PHACTR1: variants seen among roughly 807,000 people sequenced by gnomAD.
PHACTR1 encodes phosphatase and actin regulator 1.
Under a neutral mutation model 69.2 loss-of-function variants are expected in PHACTR1, and 16 were observed. That is an observed-to-expected ratio of 0.23 (90% CI 0.16 to 0.35). PHACTR1 has a LOEUF of 0.35. Among genes scored for constraint, PHACTR1 ranks in the 10% least tolerant of loss-of-function variants. PHACTR1 has a pLI of 1.00. For synonymous variants in PHACTR1, 312 were observed against 284.5 expected, an observed-to-expected ratio of 1.10 and a Z score of -0.97; for missense variants, 510 against 734.7, an observed-to-expected ratio of 0.69 and a Z score of 3.54.
At chr6:12,759,609 G>A (rs531145124) in intron 4 of PHACTR1, among the ~76,000 whole-genome samples, 2 of 152,092 alleles carry the variant, frequency 1.3e-5, no homozygotes, top group Non-Finnish European at 2.9e-5. Flanking sequence ...AAGTTTAGGG[G>A]CCAAGAAAAA....
chr6:13,168,943 G>A (rs1320912852), intron 6 of PHACTR1, among the ~76,000 whole-genome samples: 1 of 152,150 alleles, frequency 6.6e-6, no homozygotes, highest in Non-Finnish European at 1.5e-5. Context: ...CACGTAATCA[G>A]ATTTGCAGCC....
intron 5 of PHACTR1, among the ~76,000 whole-genome samples, chr6:13,153,768 T>C (rs1371929833): frequency 6.6e-6 from 1 of 152,222 alleles, no homozygotes; most frequent in Non-Finnish European, 1.5e-5. Flanking sequence ...ATTTTTCTGT[T>C]TTGGTTCTAC....
intron 4 of PHACTR1, chr6:12,933,692 G>A (rs1417207964): frequency 4.3e-6 from 7 of 1,612,810 alleles, no homozygotes; most frequent in Non-Finnish European, 5.9e-6. Flanking sequence ...GCCAACTCTT[G>A]GGCGTCCTCT....
chr6:13,009,304 T>C (rs1343905492), intron 4 of PHACTR1, among the ~76,000 whole-genome samples: 3 of 151,992 alleles, frequency 2.0e-5, no homozygotes, highest in African/African-American at 7.3e-5. Flanking sequence ...GCAGGGTGGA[T>C]AGGAACAGGA....
At chr6:13,243,116 A>G (rs979245490) in intron 10 of PHACTR1, among the ~76,000 whole-genome samples, 1 of 152,194 alleles carries the variant, frequency 6.6e-6, no homozygotes, top group African/African-American at 2.4e-5. Context: ...ATATCCCCCA[A>G]AAGAATGGGA....
At chr6:13,054,376 A>C (rs9473318) in intron 5 of PHACTR1, among the ~76,000 whole-genome samples, 14,850 of 152,242 alleles carry the variant, frequency 0.098, 2,012 homozygotes, top group African/African-American at 0.3. Flanking sequence ...CAGACAGTGG[A>C]AGAGCTATAC....
chr6:13,197,346 A>C (rs191679747), intron 7 of PHACTR1, among the ~76,000 whole-genome samples: 1 of 152,136 alleles, frequency 6.6e-6, no homozygotes, highest in African/African-American at 2.4e-5. Context: ...TTTCAACCCT[A>C]AGGTCCCCTC....
At chr6:12,741,578 A>G (rs1423294827) in intron 3 of PHACTR1, among the ~76,000 whole-genome samples, 2 of 152,058 alleles carry the variant, frequency 1.3e-5, no homozygotes, top group Admixed American at 1.3e-4. Flanking sequence ...GACTGTTCAT[A>G]TCTGTTTGTA....
chr6:12,725,670 T>C (rs1234889491), intron 3 of PHACTR1, among the ~76,000 whole-genome samples: 1 of 152,186 alleles, frequency 6.6e-6, no homozygotes, highest in African/African-American at 2.4e-5. Context: ...TAGTACCTTG[T>C]CTATTGTTAT....
intron 4 of PHACTR1, among the ~76,000 whole-genome samples, chr6:13,050,782 T>C (rs1805821401): frequency 6.6e-6 from 1 of 152,208 alleles, no homozygotes; most frequent in Non-Finnish European, 1.5e-5. Context: ...TCCTTTATCA[T>C]CAAATTCTTT....
In PHACTR1 at chr6:13,230,997, C is replaced by CAGAGAGAG. The variant is rs36074569; in HGVS notation, c.1391+816_1391+823dup. On this transcript the variant is annotated intron_variant, in intron 10 of 14. Transcript: ENST00000332995. ...TGCCACTGCACTCCAGCCCAGGTGA[C>CAGAGAGAG]AGAGAGAGAGAGAGAGAGAAGGAAA... Among the ~76,000 whole-genome samples the CAGAGAGAG allele has an allele frequency of 3.1e-4, 35 of 113,416 alleles. 1 individual carries two copies. The highest frequency in any genetic ancestry group is 8.3e-4 in the African/African-American group (24 of 29,034). 74.4% of individuals were successfully genotyped at this position (113,416 alleles called of 152,430 possible).
chr6:12,988,088 A>T (rs1010091694), intron 4 of PHACTR1, among the ~76,000 whole-genome samples: 2 of 152,158 alleles, frequency 1.3e-5, no homozygotes, highest in African/African-American at 4.8e-5. Context: ...TTCAACTCTA[A>T]TCTTAAACAT....
intron 4 of PHACTR1, among the ~76,000 whole-genome samples, chr6:12,845,429 A>ACCCCCCCCCCC (rs1214194071): frequency 2.2e-4 from 4 of 18,062 alleles, no homozygotes; most frequent in Middle Eastern, 0.016. Flanking sequence ...AACACCACCC[A>ACCCCCCCCCCC]CCCCCCCCCC....
At chr6:12,956,069 T>A (rs1257428891) in intron 4 of PHACTR1, among the ~76,000 whole-genome samples, 2 of 152,220 alleles carry the variant, frequency 1.3e-5, no homozygotes, top group Non-Finnish European at 2.9e-5. Flanking sequence ...AGTAGTTTCC[T>A]CTGGTGATTA....
intron 5 of PHACTR1, among the ~76,000 whole-genome samples, chr6:13,136,563 G>C (rs1420274125): frequency 6.6e-6 from 1 of 152,218 alleles, no homozygotes; most frequent in African/African-American, 2.4e-5. Flanking sequence ...GTAGCACTTT[G>C]GCCAGTTAGC....
chr6:13,067,158 T>C (rs570622955), intron 5 of PHACTR1, among the ~76,000 whole-genome samples: 21 of 152,362 alleles, frequency 1.4e-4, no homozygotes, highest in Non-Finnish European at 2.9e-4. Context: ...CTCATATTAC[T>C]ATGTCGTATG....
intron 4 of PHACTR1, among the ~76,000 whole-genome samples, chr6:12,881,600 C>A (rs1783098187): frequency 6.6e-6 from 1 of 152,048 alleles, no homozygotes; most frequent in Admixed American, 6.5e-5. Flanking sequence ...CATTTCATCA[C>A]CCCAATTTGT....
chr6:13,271,057 G>T (rs1349777056), intron 10 of PHACTR1, among the ~76,000 whole-genome samples: 1 of 149,538 alleles, frequency 6.7e-6, no homozygotes, highest in Admixed American at 6.7e-5. Flanking sequence ...CACCCAGGCT[G>T]GAGTGCAGTG....
chr6:12,933,784 A>AG, intron 4 of PHACTR1: 7 of 1,612,842 alleles, frequency 4.3e-6, no homozygotes, highest in Non-Finnish European at 5.9e-6. Context: ...ACATCTGCTC[A>AG]GGCCCCAGTA....
Sources: allele counts gnomAD v4.1 joint callset (sites outside exome capture counted in the v4.1 genomes callset), GRCh38; gene constraint gnomAD v4.1.1; transcripts MANE v1.5; gene names NCBI Gene and HGNC (gene_info 2026-07-23, HGNC 2026-07-21).